RPL29: variants seen among roughly 807,000 people sequenced by gnomAD.
RPL29 encodes the protein ribosomal protein L29.
RPL29 carries 4 observed loss-of-function variants against 7.2 expected under a neutral mutation model. The observed-to-expected ratio is 0.55, with a 90% CI of 0.27 to 1.26. RPL29 has a LOEUF of 1.26. Among genes scored for constraint, RPL29 ranks in the 50% most tolerant of loss-of-function variants. RPL29 has a pLI of 0.11. For missense variants in RPL29, 148 were observed against 209.1 expected (o/e 0.71, Z 1.80); for synonymous variants, 73 against 72.8 (o/e 1.00, Z -0.01).
Position 51,993,733 on chromosome 3 carries a change from A to G in RPL29, c.*16T>C, listed in dbSNP as rs776204586. ...GGGTCGCACCAGTCCTTCTGTCCTC[A>G]TGTTGGCAGAGATATCTACTCTGAA... On this transcript the variant is annotated 3_prime_UTR_variant, in exon 4 of 4. Transcript: ENST00000294189. The G allele has an allele frequency of 2.7e-5, 43 of 1,568,718 alleles. No individual in the cohort carries two copies. Among genetic ancestry groups the G allele is most frequent in the Non-Finnish European group, 3.5e-5 (41 of 1,163,402 alleles).
intron 1 of RPL29, 173 bp downstream of exon 1, chr3:51,995,684 A>C: frequency 1.7e-6 from 1 of 580,780 alleles, no homozygotes; most frequent in Non-Finnish European, 3.1e-6. Context: ...TGCATTCCCC[A>C]ATAAAGTGGC....
chr3:51,993,639 G>C lies in RPL29; in HGVS notation c.*110C>G. 8.6e-7 allele frequency: 1 copy of C among 1,160,932 alleles called. No individual in the cohort carries two copies. Among genetic ancestry groups the C allele is most frequent in the Non-Finnish European group, 1.2e-6 (1 of 825,862 alleles). The allele number at this position is 1,160,932 out of a possible 1,614,324, so 71.9% of individuals were successfully genotyped here. ...CAGAGGCTAACAAATCCTGCCTCAG[G>C]TTTATTTGTACAAATAGCACAGGAG... On this transcript the variant is annotated 3_prime_UTR_variant, in exon 4 of 4. Coordinates refer to ENST00000294189, the MANE Select transcript of RPL29 (RefSeq NM_000992.3).
chr3:51,993,970 T>G lies in RPL29; in HGVS notation c.259A>C (p.Lys87Gln), dbSNP rs780511006. 89 of 1,597,146 alleles carry G rather than the reference T, an allele frequency of 5.6e-5. No homozygotes were observed. The highest frequency in any genetic ancestry group is 7.1e-5 in the Non-Finnish European group (84 of 1,179,788). ...CGATCGAGCTTGCGGCTGACACCCTTTGGGATCTTGGGCTTAACCTCCTTG... is the reference window on the plus strand; with the variant it reads ...CGATCGAGCTTGCGGCTGACACCCTGTGGGATCTTGGGCTTAACCTCCTTG... ...KPKEVKPKIP[K>Q]GVSRKLDRLA... Residue 87 changes from lysine to glutamine, a missense_variant, in exon 4 of 4, where the codon AAG becomes CAG. By Grantham distance (53) the Lys-to-Gln change is moderately conservative. Transcript: ENST00000294189.
chr3:51,995,796 C>A, intron 1 of RPL29, 61 bp downstream of exon 1: 1 of 337,220 alleles, frequency 3.0e-6, no homozygotes, highest in Non-Finnish European at 5.6e-6. Flanking sequence ...CTCCGCAGCC[C>A]GCGCCCCGCC....
intron 1 of RPL29, 65 bp from the exon 2 acceptor site, chr3:51,995,534 A>T (rs1577738983): frequency 6.7e-7 from 1 of 1,491,490 alleles, no homozygotes; most frequent in East Asian, 2.3e-5. Context: ...TGCCCCCCCC[A>T]TTCTGGTCAG....
At chr3:51,994,782 C>T in intron 3 of RPL29, 2 of 700,258 alleles carry the variant, frequency 2.9e-6, no homozygotes, top group Non-Finnish European at 5.2e-6. Flanking sequence ...CCCTAAGTGC[C>T]ACTGCCAAGC....
chr3:51,995,140 A>C, intron 2 of RPL29, 34 bp from the exon 3 acceptor site: 1 of 1,578,782 alleles, frequency 6.3e-7, no homozygotes, highest in African/African-American at 1.4e-5. Flanking sequence ...AAGCCAACAA[A>C]GAACTTTCCT....
rs372623732 is a variant in RPL29, at chr3:51,993,950, G to A, written c.279C>T (p.Leu93=). The A allele has an allele frequency of 4.8e-5, 77 of 1,596,652 alleles. 1 individual carries two copies. The Admixed American group carries it at 1.0e-3, about 21-fold the overall frequency. ...PKIPKGVSRK[L]DRLAYIAHPK... is the part of the protein sequence containing the mutation. ...GGTGGGCAATGTAGGCAAGTCGATC[G>A]AGCTTGCGGCTGACACCCTTTGGGA... Residue 93 remains leucine (L), a synonymous_variant, in exon 4 of 4, where the codon CTC becomes CTT. Transcript: ENST00000294189.
At chr3:51,994,617 TCC>T in intron 3 of RPL29, 1 of 488,572 alleles carries the variant, frequency 2.0e-6, no homozygotes, top group South Asian at 2.5e-5. Flanking sequence ...TGCTCAGCTC[TCC>T]CCTAGACCCT....
rs375418619 is a variant in RPL29, at chr3:51,993,863, CT to C, written c.365del (p.Lys122ArgfsTer86). ...CCTTGGCCTTGGCCTTGGCCTTGGC[CT>C]TTGGCCGGCACAGCCTGAGCCCCTT... ...IAKGLRLCRPKAKAKAKAKDQ... is the reference protein window; with the variant it reads ...IAKGLRLCRPXAKAKAKAKDQ... On this transcript the variant is annotated frameshift_variant, in exon 4 of 4. Coordinates refer to ENST00000294189, the MANE Select transcript of RPL29 (RefSeq NM_000992.3). LOFTEE classifies it low-confidence loss of function (END_TRUNC). The C allele has an allele frequency of 3.8e-6, 6 of 1,596,142 alleles. No individual in the cohort carries two copies. Among genetic ancestry groups the C allele is most frequent in the Non-Finnish European group, 5.1e-6 (6 of 1,179,672 alleles).
chr3:51,995,073 G>A lies in RPL29; in HGVS notation c.71C>T (p.Pro24Leu), dbSNP rs1440486291. ...RKWHRNGIKK[P>L]RSQRYESLKG... ...AAGAGATTCGTATCTTTGTGATCGG[G>A]GTTTCTTGATACCATTTCTGTGCCA... Residue 24 changes from proline (P) to leucine (L), a missense_variant, in exon 3 of 4, where the codon CCC (proline) becomes CTC (leucine). Physicochemically the swap from Pro to Leu is moderately conservative, Grantham distance 98. Coordinates refer to ENST00000294189, the MANE Select transcript of RPL29 (RefSeq NM_000992.3). The A allele has an allele frequency of 1.2e-6, 2 of 1,611,420 alleles. No homozygotes were observed. The highest frequency in any genetic ancestry group is 1.7e-6 in the Non-Finnish European group (2 of 1,178,920).
chr3:51,994,599 T>C, intron 3 of RPL29: 1 of 465,916 alleles, frequency 2.1e-6, no homozygotes, highest in Non-Finnish European at 3.9e-6. Context: ...AGGAACAGAC[T>C]GGGGACATGC....
chr3:51,994,821 G>A (rs1005588611), intron 3 of RPL29: 1 of 708,378 alleles, frequency 1.4e-6, no homozygotes, highest in Non-Finnish European at 2.6e-6. Flanking sequence ...GCCCTCAGGA[G>A]GCAGGTTACA....
At position 51,995,842 on chromosome 3, in the gene RPL29, G is replaced by C; in HGVS notation, c.-9+15C>G. 3.4e-6 allele frequency: 1 copy of C among 298,322 alleles called. No individual in the cohort carries two copies. The highest frequency in any genetic ancestry group is 2.2e-5 in the African/African-American group (1 of 46,008). 18.5% of individuals were successfully genotyped at this position (298,322 alleles called of 1,614,324 possible). A position where few individuals can be genotyped will look rare whatever the true frequency, so the allele number is the denominator to read the frequency against. On this transcript the variant is annotated intron_variant, in intron 1 of 3. Transcript: ENST00000294189. ...AGTCGCGGATGGCATCGGATGCCGC[G>C]CGGCCAACACTCACCATAAGCCGCG...
Position 51,995,487 on chromosome 3 carries a change from A to G in RPL29, c.-8-18T>C. 6.2e-7 allele frequency: 1 copy of G among 1,613,488 alleles called. No homozygotes were observed. The highest frequency in any genetic ancestry group is 8.5e-7 in the Non-Finnish European group (1 of 1,179,912). On this transcript the variant is annotated intron_variant, in intron 1 of 3. Transcript: ENST00000294189. ...GTCTGCACCTGGAAGACAAAAGTGG[A>G]GATCAGGGTTAAGGGCTCGCCAGGC...
chr3:51,994,937 G>T, intron 3 of RPL29, 105 bp downstream of exon 3: 1 of 993,044 alleles, frequency 1.0e-6, no homozygotes, highest in Non-Finnish European at 1.6e-6. Flanking sequence ...GGCCAGTTAG[G>T]CTGTGCTCAG....
At chr3:51,994,758 A>G in intron 3 of RPL29, 2 of 696,390 alleles carry the variant, frequency 2.9e-6, no homozygotes. Flanking sequence ...GCACTCAGAC[A>G]AGGCCACTCC....
rs760575973 is a variant in RPL29, at chr3:51,995,078, C to T, written c.66G>A (p.Lys22=). The T allele has an allele frequency of 3.1e-5, 50 of 1,610,574 alleles. No homozygotes were observed. In the South Asian group the frequency reaches 5.1e-4, roughly 16 times the overall value. Residue 22 remains lysine, a synonymous_variant, in exon 3 of 4, where the codon AAG becomes AAA. Transcript: ENST00000294189. The part of the protein sequence containing the change: ...QSRKWHRNGI[K]KPRSQRYESL... ...ATTCGTATCTTTGTGATCGGGGTTTCTTGATACCATTTCTGTGCCATTTTC... is the reference window on the plus strand; with the variant it reads ...ATTCGTATCTTTGTGATCGGGGTTTTTTGATACCATTTCTGTGCCATTTTC...
chr3:51,994,565 G>A, intron 3 of RPL29: 1 of 392,820 alleles, frequency 2.5e-6, no homozygotes, highest in Non-Finnish European at 4.7e-6. Flanking sequence ...TCACTCCACG[G>A]AACAGAGAGC....
Sources: gnomAD v4.1 joint callset for allele counts on GRCh38, gnomAD v4.1.1 for gene constraint, MANE v1.5 for transcripts, NCBI Gene and HGNC (gene_info 2026-07-23, HGNC 2026-07-21) for gene names.